Variants in TENM4 observed in about 807,000 individuals in gnomAD.
The protein encoded by TENM4 is teneurin transmembrane protein 4.
A neutral mutation model predicts 243.3 loss-of-function variants in TENM4; 82 were observed. The ratio of observed to expected loss-of-function variants is 0.34; its 90% confidence interval spans 0.28 to 0.40. The LOEUF (loss-of-function observed/expected upper bound fraction) is 0.40, where lower values mean the gene tolerates loss of function less well. Among genes scored for constraint, TENM4 ranks in the 10% least tolerant of loss-of-function variants. The pLI, the probability that TENM4 is intolerant of heterozygous loss-of-function variation, is 1.00. For synonymous variants in TENM4, 1,412 were observed against 1,456.3 expected (o/e 0.97, Z 0.69); for missense variants, 3,138 against 3,673.3 (o/e 0.85, Z 3.77).
At chr11:79,065,142 CT>C in intron 5 of TENM4, 135 bp from the exon 6 acceptor site, 2 of 1,354,726 alleles carry the variant, frequency 1.5e-6, no homozygotes, top group Non-Finnish European at 9.6e-7. Flanking sequence ...ATGCCCATGC[CT>C]TTGTTCAAGT....
At chr11:78,705,533 G>C (rs566523819) in intron 27 of TENM4, among the ~76,000 whole-genome samples, 51 of 152,270 alleles carry the variant, frequency 3.3e-4, no homozygotes, top group Non-Finnish European at 6.6e-4. Context: ...AAAATGAATG[G>C]ACTAGACTTG....
chr11:78,879,672 T>C (rs959969035), intron 9 of TENM4, among the ~76,000 whole-genome samples: 5 of 142,226 alleles, frequency 3.5e-5, no homozygotes, highest in East Asian at 4.3e-4. Context: ...GTCTGGGAGG[T>C]GAGGAGCGCC....
intron 4 of TENM4, among the ~76,000 whole-genome samples, chr11:79,115,301 G>A (rs1484257865): frequency 6.6e-6 from 1 of 152,158 alleles, no homozygotes; most frequent in Admixed American, 6.5e-5. Flanking sequence ...GTGGGCAGAG[G>A]AGAGGGCTGG....
At chr11:79,356,700 T>C (rs921499718) in intron 1 of TENM4, among the ~76,000 whole-genome samples, 1 of 152,096 alleles carries the variant, frequency 6.6e-6, no homozygotes, top group Non-Finnish European at 1.5e-5. Flanking sequence ...TCAAGGTCAT[T>C]ATCATCATCA....
At chr11:78,835,838 A>C (rs1038273770) in intron 12 of TENM4, among the ~76,000 whole-genome samples, 1 of 152,190 alleles carries the variant, frequency 6.6e-6, no homozygotes, top group Non-Finnish European at 1.5e-5. Flanking sequence ...ATTACTGATC[A>C]ATGTCTTTCC....
At chr11:78,673,927 G>A (rs147679465) in intron 30 of TENM4, among the ~76,000 whole-genome samples, 1 of 152,338 alleles carries the variant, frequency 6.6e-6, no homozygotes, top group African/African-American at 2.4e-5. Context: ...AAAACAGTGT[G>A]GCAGATGATT....
chr11:78,677,770 G>C (rs928119965), intron 29 of TENM4, among the ~76,000 whole-genome samples: 1 of 151,024 alleles, frequency 6.6e-6, no homozygotes, highest in Admixed American at 6.6e-5. Context: ...TTCTAACTTA[G>C]ATTCTTTTTT....
intron 1 of TENM4, among the ~76,000 whole-genome samples, chr11:79,352,041 A>C (rs1857422966): frequency 6.6e-6 from 1 of 152,248 alleles, no homozygotes; most frequent in African/African-American, 2.4e-5. Flanking sequence ...CTATTTCATA[A>C]AATGAAAAGA....
At chr11:79,290,074 G>A (rs1856328849) in intron 2 of TENM4, among the ~76,000 whole-genome samples, 1 of 152,074 alleles carries the variant, frequency 6.6e-6, no homozygotes, top group African/African-American at 2.4e-5. Flanking sequence ...GGGATTACAG[G>A]CATGAGCCAC....
At chr11:78,788,369 G>T (rs561774300) in intron 15 of TENM4, among the ~76,000 whole-genome samples, 1 of 152,328 alleles carries the variant, frequency 6.6e-6, no homozygotes, top group East Asian at 1.9e-4. Flanking sequence ...TACTTATTAC[G>T]TGCAGTAACA....
At position 79,191,580 on chromosome 11, in the gene TENM4, G is replaced by A. The variant is rs1378084899; in HGVS notation, c.-163+24228C>T. ...TGGGAAGTGAGGAGCGTCTCTGCCT[G>A]GCTGCCCATCGTCTGGGATGTGAGG... On this transcript the variant is annotated intron_variant, in intron 3 of 33. Coordinates refer to ENST00000278550, the MANE Select transcript of TENM4 (RefSeq NM_001098816.3). 3.7e-5 allele frequency: 6 copies of A among 164,358 alleles called. No homozygotes were observed. In the East Asian group the frequency reaches 1.2e-3, roughly 32 times the overall value. The allele number at this position is 164,358 out of a possible 1,614,324, so 10.2% of individuals were successfully genotyped here. A position where few individuals can be genotyped will look rare whatever the true frequency, so the allele number is the denominator to read the frequency against.
intron 1 of TENM4, among the ~76,000 whole-genome samples, chr11:79,422,762 C>T (rs147749704): frequency 7.5e-4 from 114 of 152,282 alleles, no homozygotes; most frequent in Non-Finnish European, 1.3e-3. Context: ...GAGGGAGGGT[C>T]TGACCCAAGG....
At chr11:78,801,890 T>C (rs1857288658) in intron 15 of TENM4, among the ~76,000 whole-genome samples, 1 of 152,196 alleles carries the variant, frequency 6.6e-6, no homozygotes, top group African/African-American at 2.4e-5. Flanking sequence ...CTACCGTTTG[T>C]CTAGGGTGTG....
At chr11:78,809,282 T>C (rs548580019) in intron 14 of TENM4, among the ~76,000 whole-genome samples, 1 of 152,306 alleles carries the variant, frequency 6.6e-6, no homozygotes, top group East Asian at 1.9e-4. Context: ...AGGCAATTAA[T>C]CTTTGCTTCT....
chr11:78,768,268 G>T (rs907592292), intron 18 of TENM4, among the ~76,000 whole-genome samples: 4 of 152,198 alleles, frequency 2.6e-5, no homozygotes, highest in Non-Finnish European at 4.4e-5. Context: ...TCATTTAATA[G>T]TTGAGAACCC....
chr11:79,396,671 C>A (rs1165009752), intron 1 of TENM4, among the ~76,000 whole-genome samples: 2 of 152,202 alleles, frequency 1.3e-5, no homozygotes, highest in African/African-American at 2.4e-5. Flanking sequence ...AGCGGCCAAG[C>A]CAAAGCGTCC....
chr11:79,338,374 C>G (rs1366103137), intron 1 of TENM4, among the ~76,000 whole-genome samples: 1 of 152,204 alleles, frequency 6.6e-6, no homozygotes, highest in African/African-American at 2.4e-5. Flanking sequence ...GGGTTCAACT[C>G]CCGTTCAGCA....
chr11:79,069,564 A>G (rs140889137), intron 5 of TENM4, among the ~76,000 whole-genome samples, 158 bp downstream of exon 5: 94 of 152,350 alleles, frequency 6.2e-4, no homozygotes, highest in African/African-American at 2.3e-3. Context: ...ACCAGGTCCA[A>G]GTGCCCAAAT....
At chr11:79,420,631 C>T (rs1237669040) in intron 1 of TENM4, among the ~76,000 whole-genome samples, 1 of 152,084 alleles carries the variant, frequency 6.6e-6, no homozygotes, top group Non-Finnish European at 1.5e-5. Context: ...ATACATTAAC[C>T]TCTCTAATTT....
Sources: allele counts gnomAD v4.1 joint callset (sites outside exome capture counted in the v4.1 genomes callset), GRCh38; gene constraint gnomAD v4.1.1; transcripts MANE v1.5; gene names NCBI Gene and HGNC (gene_info 2026-07-23, HGNC 2026-07-21).